Variants in TTC33 observed in about 807,000 individuals in gnomAD.
TTC33 encodes the protein tetratricopeptide repeat domain 33.
Under a neutral mutation model 29.4 loss-of-function variants are expected in TTC33, and 24 were observed. The observed-to-expected ratio is 0.82, with a 90% CI of 0.59 to 1.15. The LOEUF is 1.15. Among genes scored for constraint, TTC33 ranks in the 50% most tolerant of loss-of-function variants. The pLI is 0.00. For missense variants in TTC33, 286 were observed against 310.4 expected, an observed-to-expected ratio of 0.92 and a Z score of 0.59; for synonymous variants, 107 against 100.3, an observed-to-expected ratio of 1.07 and a Z score of -0.40.
chr5:40,755,747 C>T (rs1742974820), intron 1 of TTC33, 77 bp downstream of exon 1: 1 of 152,830 alleles, frequency 6.5e-6, no homozygotes, highest in Middle Eastern at 3.4e-3. Context: ...GCCCCAGTTA[C>T]CCGATAACGG....
At chr5:40,747,589 T>TG (rs1235668342) in intron 1 of TTC33, among the ~76,000 whole-genome samples, 16 of 152,252 alleles carry the variant, frequency 1.1e-4, no homozygotes, top group Admixed American at 6.5e-4. Flanking sequence ...ATCAGGCCTC[T>TG]ACCTATAAGA....
intron 2 of TTC33, among the ~76,000 whole-genome samples, chr5:40,731,087 T>C (rs1742415396): frequency 6.6e-6 from 1 of 152,244 alleles, no homozygotes; most frequent in African/African-American, 2.4e-5. Flanking sequence ...CCAAATGTTA[T>C]TGTAGATGTG....
chr5:40,719,067 T>C (rs1342808681), intron 4 of TTC33, among the ~76,000 whole-genome samples: 1 of 152,216 alleles, frequency 6.6e-6, no homozygotes, highest in Non-Finnish European at 1.5e-5. Context: ...ATTTTATTCA[T>C]ATTTACTAAA....
Position 40,712,329 on chromosome 5 carries a change from T to C in TTC33, c.*3816A>G, listed in dbSNP as rs1741913184. Among the ~76,000 whole-genome samples the C allele has an allele frequency of 6.6e-6, 1 of 152,160 alleles. No individual in the cohort carries two copies. Among genetic ancestry groups the C allele is most frequent in the African/African-American group, 2.4e-5 (1 of 41,454 alleles). On this transcript the variant is annotated 3_prime_UTR_variant, in exon 5 of 5. Transcript: ENST00000337702. ...CACATGTGGTTTTTAATATATCTCA[T>C]GCTTACTTCGAAATATAATCTGCAC...
At chr5:40,731,452 T>A (rs1259713044) in intron 2 of TTC33, among the ~76,000 whole-genome samples, 1 of 152,180 alleles carries the variant, frequency 6.6e-6, no homozygotes, top group African/African-American at 2.4e-5. Context: ...GGAAAGAGGT[T>A]TAATTGACTC....
At chr5:40,738,528 ACAAT>A (rs1742614517) in intron 2 of TTC33, among the ~76,000 whole-genome samples, 1 of 133,894 alleles carries the variant, frequency 7.5e-6, no homozygotes, top group African/African-American at 2.8e-5. Context: ...AAAATAAAAT[ACAAT>A]AAAATACAAT....
intron 2 of TTC33, among the ~76,000 whole-genome samples, chr5:40,745,103 G>C (rs556079870): frequency 1.3e-5 from 2 of 152,234 alleles, no homozygotes; most frequent in East Asian, 3.9e-4. Flanking sequence ...TCAGTGTCAT[G>C]GGGGATAAAA....
chr5:40,748,453 C>G (rs1251794892), intron 1 of TTC33, among the ~76,000 whole-genome samples: 1 of 152,164 alleles, frequency 6.6e-6, no homozygotes, highest in Non-Finnish European at 1.5e-5. Flanking sequence ...ACCTCACCCT[C>G]CCAAATTGCT....
Position 40,715,595 on chromosome 5 carries a change from C to T in TTC33, c.*550G>A, listed in dbSNP as rs956484960. 2.0e-5 allele frequency: 3 copies of T among 152,346 alleles called. No individual in the cohort carries two copies. The highest frequency in any genetic ancestry group is 4.4e-5 in the Non-Finnish European group (3 of 68,026). 9.4% of individuals were successfully genotyped at this position (152,346 alleles called of 1,614,324 possible). A position where few individuals can be genotyped will look rare whatever the true frequency, so the allele number is the denominator to read the frequency against. ...CTTCAGAAAATGTTCAGAATGTACA[C>T]ATTTGTGTGCATTTTCAGCCAAACT... On this transcript the variant is annotated 3_prime_UTR_variant, in exon 5 of 5. Transcript: ENST00000337702.
In TTC33 at chr5:40,715,991, A is replaced by G. The variant is rs1369541485; in HGVS notation, c.*154T>C. On this transcript the variant is annotated 3_prime_UTR_variant, in exon 5 of 5. Coordinates refer to ENST00000337702, the MANE Select transcript of TTC33 (RefSeq NM_012382.3). Reference sequence around the variant, plus strand: ...TCAAAGCATATTCCAAACACTATACAATAATCCTGCCATTTTAGTTTTTAT... The same window carrying G: ...TCAAAGCATATTCCAAACACTATACGATAATCCTGCCATTTTAGTTTTTAT... 3 of 603,262 alleles carry G rather than the reference A, an allele frequency of 5.0e-6. No homozygotes were observed. Among genetic ancestry groups the G allele is most frequent in the Non-Finnish European group, 8.5e-6 (3 of 350,990 alleles). The allele number at this position is 603,262 out of a possible 1,614,324, so 37.4% of individuals were successfully genotyped here. A position where few individuals can be genotyped will look rare whatever the true frequency, so the allele number is the denominator to read the frequency against.
intron 2 of TTC33, among the ~76,000 whole-genome samples, chr5:40,741,103 A>G (rs1016363852): frequency 2.6e-5 from 4 of 152,206 alleles, no homozygotes; most frequent in Non-Finnish European, 4.4e-5. Flanking sequence ...CACAGTTTCC[A>G]ACTCTTTGGC....
intron 4 of TTC33, among the ~76,000 whole-genome samples, chr5:40,720,554 C>A (rs1269513242): frequency 6.6e-6 from 1 of 152,188 alleles, no homozygotes; most frequent in African/African-American, 2.4e-5. Flanking sequence ...CCCAAGGGCA[C>A]TCCTCTTCAA....
At chr5:40,741,261 G>A (rs568351376) in intron 2 of TTC33, among the ~76,000 whole-genome samples, 2 of 152,168 alleles carry the variant, frequency 1.3e-5, no homozygotes, top group East Asian at 3.9e-4. Flanking sequence ...TCTAGGGAAG[G>A]TCTGAAGTAG....
chr5:40,730,817 G>A (rs1201395805), intron 2 of TTC33, among the ~76,000 whole-genome samples: 1 of 151,916 alleles, frequency 6.6e-6, no homozygotes, highest in Non-Finnish European at 1.5e-5. Context: ...ACTTAGAAAT[G>A]GGTTCATATG....
chr5:40,750,557 C>T (rs984568816), intron 1 of TTC33, among the ~76,000 whole-genome samples: 1 of 151,812 alleles, frequency 6.6e-6, no homozygotes, highest in Non-Finnish European at 1.5e-5. Context: ...CAGGATAAGA[C>T]TTTGTCTCCA....
At chr5:40,741,619 C>A (rs572395296) in intron 2 of TTC33, among the ~76,000 whole-genome samples, 2 of 152,188 alleles carry the variant, frequency 1.3e-5, no homozygotes, top group African/African-American at 4.8e-5. Flanking sequence ...CATCTCCTCA[C>A]GCAGCAAGAC....
At chr5:40,727,921 T>G (rs1742327918) in intron 4 of TTC33, among the ~76,000 whole-genome samples, 1 of 152,180 alleles carries the variant, frequency 6.6e-6, no homozygotes, top group Non-Finnish European at 1.5e-5. Flanking sequence ...TAAGAAGTAA[T>G]TTGCTAATTG....
chr5:40,748,111 G>A (rs1742831558), intron 1 of TTC33, among the ~76,000 whole-genome samples: 1 of 152,200 alleles, frequency 6.6e-6, no homozygotes, highest in South Asian at 2.1e-4. Context: ...ACAGGCGTGA[G>A]CCATTGCACC....
At position 40,746,649 on chromosome 5, in the gene TTC33, T is replaced by C. The variant is rs367858333; in HGVS notation, c.221+149A>G. 5 of 624,512 alleles carry C rather than the reference T, an allele frequency of 8.0e-6. No individual in the cohort carries two copies. In the East Asian group the frequency reaches 1.2e-4, roughly 16 times the overall value. 38.7% of individuals were successfully genotyped at this position (624,512 alleles called of 1,614,324 possible). ...ACAAACTTTCATTTTTCAGGTGACT[T>C]TGAAACACCTTATTTCTTTGATTAA... On this transcript the variant is annotated intron_variant, in intron 2 of 4. Transcript: ENST00000337702.
Sources: allele counts gnomAD v4.1 joint callset (sites outside exome capture counted in the v4.1 genomes callset), GRCh38; gene constraint gnomAD v4.1.1; transcripts MANE v1.5; gene names NCBI Gene and HGNC (gene_info 2026-07-23, HGNC 2026-07-21).